ZFC3H1: variants seen among roughly 807,000 people sequenced by gnomAD.
The protein encoded by ZFC3H1 is zinc finger C3H1 domain-containing protein.
Under a neutral mutation model 243.7 loss-of-function variants are expected in ZFC3H1, and 71 were observed. The observed-to-expected ratio is 0.29, with a 90% CI of 0.24 to 0.36. The LOEUF is 0.36. Among genes scored for constraint, ZFC3H1 ranks in the 10% least tolerant of loss-of-function variants. The pLI, the probability that ZFC3H1 is intolerant of heterozygous loss-of-function variation, is 1.00. For synonymous variants in ZFC3H1, 838 were observed against 813.0 expected, an observed-to-expected ratio of 1.03 and a Z score of -0.52; for missense variants, 1,966 against 2,317.1, an observed-to-expected ratio of 0.85 and a Z score of 3.11.
At position 71,632,341 on chromosome 12, in the gene ZFC3H1, G is replaced by C; in HGVS notation, c.2991C>G (p.Ile997Met). Reference sequence around the variant, plus strand: ...CGGGTTCCTCTTCCACAACTGGAGAGATATTTTGTTGTTCCTTTGCTTTAA... The same window carrying C: ...CGGGTTCCTCTTCCACAACTGGAGACATATTTTGTTGTTCCTTTGCTTTAA... ...RALKAKEQQNISPVVEEEPEF... is the reference protein window; with the variant it reads ...RALKAKEQQNMSPVVEEEPEF... Residue 997 changes from isoleucine to methionine, a missense_variant, in exon 15 of 35, where the codon ATC becomes ATG. Ile to Met is a conservative substitution (Grantham distance 10, BLOSUM62 1). Transcript: ENST00000378743. 1 of 1,613,778 alleles carries C rather than the reference G, an allele frequency of 6.2e-7. No individual in the cohort carries two copies. The highest frequency in any genetic ancestry group is 1.3e-5 in the African/African-American group (1 of 74,994).
At chr12:71,629,790 G>C in intron 18 of ZFC3H1, 80 bp from the exon 19 acceptor site, 1 of 909,274 alleles carries the variant, frequency 1.1e-6, no homozygotes, top group South Asian at 1.4e-5. Context: ...ACGTGAACTA[G>C]TTTAAGAATT....
intron 7 of ZFC3H1, 105 bp downstream of exon 7, chr12:71,638,313 C>G (rs1880515701): frequency 1.9e-6 from 2 of 1,076,190 alleles, no homozygotes; most frequent in African/African-American, 3.2e-5. Context: ...TCTTGGTAAG[C>G]AATTCTGATT....
In ZFC3H1 at chr12:71,632,942, T is replaced by C; in HGVS notation, c.2761A>G (p.Lys921Glu). 1 of 1,613,894 alleles carries C rather than the reference T, an allele frequency of 6.2e-7. No individual in the cohort carries two copies. The highest frequency in any genetic ancestry group is 8.5e-7 in the Non-Finnish European group (1 of 1,179,920). Reference protein sequence around the residue: ...LKYGEELARAKAVASKEIGKR... With the variant: ...LKYGEELARAEAVASKEIGKR... ...CCTATTTCTTTACTGGCCACTGCCT[T>C]TGCCCGAGCAAGCTCTTCTCCATAT... Residue 921 changes from lysine to glutamate, a missense_variant, in exon 14 of 35, where the codon AAG becomes GAG. This residue lies in a region of ZFC3H1 where 1,383 missense variants were observed against 1,723.7 expected (regional missense o/e 0.80). Coordinates refer to ENST00000378743, the MANE Select transcript of ZFC3H1 (RefSeq NM_144982.5).
At position 71,627,865 on chromosome 12, in the gene ZFC3H1, T is replaced by C. The variant is rs1381273263; in HGVS notation, c.4016A>G (p.Tyr1339Cys). ...GATGTCATCAGTCTCATTTGTAAAG[T>C]ATCTGACATCATCTGGAGTGACAAC... ...DTVVTPDDVR[Y>C]FTNETDDIAN... The change falls in exon 21 of 35, where the codon TAC (tyrosine) becomes TGC (cysteine). Residue 1339 changes from tyrosine (Y) to cysteine (C), a missense_variant. By Grantham distance (194) the Tyr-to-Cys change is radical (BLOSUM62 -2). Transcript: ENST00000378743. 6.2e-7 allele frequency: 1 copy of C among 1,613,750 alleles called. No individual in the cohort carries two copies.
chr12:71,610,846 A>G (rs1050180440), intron 33 of ZFC3H1, 89 bp from the exon 34 acceptor site: 1 of 1,466,434 alleles, frequency 6.8e-7, no homozygotes, highest in East Asian at 2.3e-5. Context: ...GGTAATTCAC[A>G]ATAACATCTG....
In ZFC3H1 at chr12:71,632,332, A is replaced by C. The variant is rs756488259; in HGVS notation, c.3000T>G (p.Val1000=). The C allele has an allele frequency of 6.2e-7, 1 of 1,613,816 alleles. No homozygotes were observed. Among genetic ancestry groups the C allele is most frequent in the South Asian group, 1.1e-5 (1 of 91,070 alleles). ...AAGAAAATTCGGGTTCCTCTTCCACAACTGGAGAGATATTTTGTTGTTCCT... is the reference window on the plus strand; with the variant it reads ...AAGAAAATTCGGGTTCCTCTTCCACCACTGGAGAGATATTTTGTTGTTCCT... ...KAKEQQNISP[V]VEEEPEFSLP... is the part of the protein sequence containing the mutation. The change falls in exon 15 of 35, where the codon GTT becomes GTG. Residue 1000 remains valine, a synonymous_variant. Coordinates refer to ENST00000378743, the MANE Select transcript of ZFC3H1 (RefSeq NM_144982.5).
At chr12:71,634,453 C>A in intron 11 of ZFC3H1, 149 bp from the exon 12 acceptor site, 2 of 1,101,860 alleles carry the variant, frequency 1.8e-6, no homozygotes, top group Non-Finnish European at 1.3e-6. Context: ...AGTCAGCATT[C>A]AAAGTTGATA....
At chr12:71,654,953 T>C (rs1242501296) in intron 2 of ZFC3H1, among the ~76,000 whole-genome samples, 1 of 152,152 alleles carries the variant, frequency 6.6e-6, no homozygotes. Flanking sequence ...CACTACATAA[T>C]GACTCAATTA....
intron 18 of ZFC3H1, among the ~76,000 whole-genome samples, chr12:71,630,252 A>C (rs979382167): frequency 6.6e-6 from 1 of 152,182 alleles, no homozygotes; most frequent in Non-Finnish European, 1.5e-5. Flanking sequence ...TCAATAGTAA[A>C]GTTTCTATAC....
chr12:71,650,513 G>C (rs753969857), intron 2 of ZFC3H1, among the ~76,000 whole-genome samples: 4 of 152,070 alleles, frequency 2.6e-5, no homozygotes, highest in Non-Finnish European at 4.4e-5. Flanking sequence ...TCTAATGTGA[G>C]CCAAAGTCAC....
intron 27 of ZFC3H1, among the ~76,000 whole-genome samples, chr12:71,618,791 A>G (rs1005687524): frequency 1.3e-5 from 2 of 152,216 alleles, no homozygotes; most frequent in Admixed American, 1.3e-4. Context: ...AGGAACTCTC[A>G]GGAAAGACAG....
chr12:71,656,750 T>C (rs1881028055), intron 2 of ZFC3H1, 135 bp downstream of exon 2: 1 of 887,646 alleles, frequency 1.1e-6, no homozygotes, highest in African/African-American at 1.7e-5. Flanking sequence ...TTCAATGATA[T>C]GAATGTCTAC....
At position 71,611,861 on chromosome 12, in the gene ZFC3H1, C is replaced by G. The variant is rs771610605; in HGVS notation, c.5654G>C (p.Ser1885Thr). 1 of 1,605,374 alleles carries G rather than the reference C, an allele frequency of 6.2e-7. No individual in the cohort carries two copies. The highest frequency in any genetic ancestry group is 8.5e-7 in the Non-Finnish European group (1 of 1,174,998). The change falls in exon 32 of 35, where the codon AGC (serine) becomes ACC (threonine). Residue 1885 changes from serine to threonine, a missense_variant. By Grantham distance (58) the Ser-to-Thr change is moderately conservative (BLOSUM62 1). Coordinates refer to ENST00000378743, the MANE Select transcript of ZFC3H1 (RefSeq NM_144982.5). ...LRLLQHEWEE[S>T]NVQILKLQAK... is the part of the protein sequence containing the mutation. The stretch of plus-strand genomic sequence containing the variant: ...TTGAAGTTTCAGAATCTGAACATTG[C>G]TTTCTTCCCATTCATGTTGAAGTAA...
Position 71,629,023 on chromosome 12 carries a change from T to C in ZFC3H1, c.3841A>G (p.Thr1281Ala). The C allele has an allele frequency of 4.3e-6, 7 of 1,610,240 alleles. No homozygotes were observed. The highest frequency in any genetic ancestry group is 5.9e-6 in the Non-Finnish European group (7 of 1,178,980). ...TTCCACTTTCTTTTATCTTTGTAGG[T>C]TGTAAATGGAGGAGCTAAAGTAGAT... ...ESKGHTPPFT[T>A]YKDKRKWKPK... Residue 1281 changes from threonine to alanine, a missense_variant, in exon 20 of 35, where the codon ACC becomes GCC. By Grantham distance (58) the Thr-to-Ala change is moderately conservative. This residue lies in a region of ZFC3H1 where 1,383 missense variants were observed against 1,723.7 expected (regional missense o/e 0.80). Coordinates refer to ENST00000378743, the MANE Select transcript of ZFC3H1 (RefSeq NM_144982.5).
intron 9 of ZFC3H1, among the ~76,000 whole-genome samples, 177 bp downstream of exon 9, chr12:71,636,313 A>G (rs1036855660): frequency 8.5e-5 from 13 of 152,338 alleles, no homozygotes; most frequent in Non-Finnish European, 1.5e-4. Context: ...TTTCAAGTGA[A>G]GGTGTTGCTC....
chr12:71,654,313 T>C lies in ZFC3H1; in HGVS notation c.1015+2572A>G, dbSNP rs115234519. On this transcript the variant is annotated intron_variant, in intron 2 of 34. Transcript: ENST00000378743. ...AAACATAGCCGGGCATGGTAGTACA[T>C]GCCTGTGGTCCCAGCAACTCAGAAG... Among the ~76,000 whole-genome samples the C allele has an allele frequency of 8.5e-3, 1,288 of 151,978 alleles. 17 individuals are homozygous for C. Among genetic ancestry groups the C allele is most frequent in the African/African-American group, 0.03 (1,231 of 41,426 alleles).
chr12:71,633,716 G>A (rs11833557), intron 12 of ZFC3H1, among the ~76,000 whole-genome samples: 4,775 of 152,162 alleles, frequency 0.031, 210 homozygotes, highest in African/African-American at 0.11. Flanking sequence ...AATATTCAAC[G>A]TTGGGCCAGG....
intron 5 of ZFC3H1, 82 bp downstream of exon 5, chr12:71,644,013 T>C: frequency 8.2e-7 from 1 of 1,217,662 alleles, no homozygotes. Flanking sequence ...AAAATAAACT[T>C]CCTTATTTGA....
In ZFC3H1 at chr12:71,631,811, T is replaced by C. The variant is rs1880329646; in HGVS notation, c.3437A>G (p.Tyr1146Cys). 6.2e-7 allele frequency: 1 copy of C among 1,613,520 alleles called. No homozygotes were observed. Among genetic ancestry groups the C allele is most frequent in the Non-Finnish European group, 8.5e-7 (1 of 1,179,656 alleles). Residue 1146 changes from tyrosine (Y) to cysteine (C), a missense_variant, in exon 16 of 35, where the codon TAC becomes TGC. Tyr to Cys is a radical substitution (Grantham distance 194, BLOSUM62 -2). Around this residue, in one of 4 missense-constraint regions of ZFC3H1, gnomAD observed 1,383 missense variants for 1,723.7 expected, o/e 0.80. Transcript: ENST00000378743. ...MEVKPCPFRPYHSPLLVFKSY... is the reference protein window; with the variant it reads ...MEVKPCPFRPCHSPLLVFKSY... Reference sequence around the variant, plus strand: ...CTTAAAAACTAGAAGAGGACTATGGTAGGGTCTAAAAGGACATGGCTTCAC... The same window carrying C: ...CTTAAAAACTAGAAGAGGACTATGGCAGGGTCTAAAAGGACATGGCTTCAC...
Sources: gnomAD v4.1 joint callset for allele counts (sites outside exome capture counted in the v4.1 genomes callset) on GRCh38, gnomAD v4.1.1 for gene constraint, gnomAD v4.1.1 regional missense constraint, MANE v1.5 for transcripts, NCBI Gene and HGNC (gene_info 2026-07-23, HGNC 2026-07-21) for gene names.